The following ART1 variants were observed in gnomAD, a reference collection of about 807,000 sequenced individuals.
ART1 encodes the protein GPI-linked NAD(P)(+)--arginine ADP-ribosyltransferase 1.
ART1 carries 29 observed loss-of-function variants against 27.0 expected under a neutral mutation model. The ratio of observed to expected loss-of-function variants is 1.08; its 90% CI spans 0.80 to 1.47. The LOEUF is 1.47. Ranked by LOEUF, ART1 falls within the 40% of genes most tolerant of loss-of-function variation. ART1 has a pLI of 0.00. For missense variants in ART1, 480 were observed against 423.0 expected, an observed-to-expected ratio of 1.13 and a Z score of -1.18; for synonymous variants, 201 against 172.2, an observed-to-expected ratio of 1.17 and a Z score of -1.31.
At chr11:3,646,162 A>G (rs1208824502) in intron 1 of ART1, among the ~76,000 whole-genome samples, 1 of 151,916 alleles carries the variant, frequency 6.6e-6, no homozygotes, top group Non-Finnish European at 1.5e-5. Flanking sequence ...CAGTTTTGGC[A>G]CAGAGGGCTT....
rs1249848210 is a variant in ART1, at chr11:3,661,367, T to C, written c.845-5T>C. 1 of 1,611,886 alleles carries C rather than the reference T, an allele frequency of 6.2e-7. No homozygotes were observed. Among genetic ancestry groups the C allele is most frequent in the South Asian group, 1.1e-5 (1 of 90,678 alleles). ...CTTTCATTCTTTACTGTTTCTTTTC[T>C]ATAGACAAGAAGTGCAAGTCTGGGC... On this transcript the variant is annotated splice_region_variant and splice_polypyrimidine_tract_variant and intron_variant, in intron 3 of 4. Transcript: ENST00000250693.
At chr11:3,650,821 C>A (rs1441549618) in intron 1 of ART1, among the ~76,000 whole-genome samples, 2 of 140,554 alleles carry the variant, frequency 1.4e-5, no homozygotes, top group Admixed American at 1.6e-4. Context: ...TATCTCCCCA[C>A]CTTAATCCAC....
intron 1 of ART1, among the ~76,000 whole-genome samples, chr11:3,650,750 C>T (rs1259367630): frequency 2.0e-5 from 3 of 151,700 alleles, no homozygotes; most frequent in Admixed American, 1.3e-4. Context: ...TCCTGGGCTA[C>T]AGCCACACCT....
rs1554883212 is a variant in ART1, at chr11:3,663,076, A to ATCTCATC, written c.887-1014_887-1013insTCATCTC. Among the ~76,000 whole-genome samples the ATCTCATC allele has an allele frequency of 6.9e-3, 515 of 74,320 alleles. 10 individuals are homozygous for ATCTCATC. The highest frequency in any genetic ancestry group is 0.013 in the East Asian group (24 of 1,782). The allele number at this position is 74,320 out of a possible 152,430, so 48.8% of individuals were successfully genotyped here. ...ATCTCATCTCATCTCATCTCATCTC[A>ATCTCATC]TCATCTCATCTCATCATCTCATCTC... On this transcript the variant is annotated intron_variant, in intron 4 of 4. Coordinates refer to ENST00000250693, the MANE Select transcript of ART1 (RefSeq NM_004314.3).
intron 1 of ART1, among the ~76,000 whole-genome samples, chr11:3,654,967 A>T (rs1246455183): frequency 6.6e-6 from 1 of 152,258 alleles, no homozygotes; most frequent in Non-Finnish European, 1.5e-5. Context: ...CAGCTGGCCC[A>T]GTGGGCTTTT....
rs573354342 is a variant in ART1, at chr11:3,659,528, G to T, written c.64-55G>T. ...TGGAGGGGAGAGCTGGATGGCAGGG[G>T]ACTCATTCTCCCAGGGGCCTATCCT... On this transcript the variant is annotated intron_variant, in intron 2 of 4. Transcript: ENST00000250693. The T allele has an allele frequency of 4.6e-6, 7 of 1,522,100 alleles. No homozygotes were observed. In the Admixed American group the frequency reaches 1.2e-4, roughly 25 times the overall value. The allele number at this position is 1,522,100 out of a possible 1,614,324, so 94.3% of individuals were successfully genotyped here.
chr11:3,648,704 C>G (rs1341189274), intron 1 of ART1, among the ~76,000 whole-genome samples: 1 of 152,184 alleles, frequency 6.6e-6, no homozygotes, highest in African/African-American at 2.4e-5. Flanking sequence ...TATTCACCCA[C>G]GTTTCAGAGG....
chr11:3,655,117 C>G (rs2077561078), intron 1 of ART1, among the ~76,000 whole-genome samples: 1 of 152,216 alleles, frequency 6.6e-6, no homozygotes, highest in Non-Finnish European at 1.5e-5. Context: ...GGCCGCCGGT[C>G]TGGCTCAGCT....
Position 3,659,842 on chromosome 11 carries a change from T to G in ART1, c.323T>G (p.Leu108Arg). The G allele has an allele frequency of 2.5e-6, 4 of 1,612,312 alleles. No homozygotes were observed. The highest frequency in any genetic ancestry group is 3.4e-6 in the Non-Finnish European group (4 of 1,179,554). The change falls in exon 3 of 5, where the codon CTG becomes CGG. Residue 108 changes from leucine (L) to arginine (R), a missense_variant. By Grantham distance (102) the Leu-to-Arg change is moderately radical. Coordinates refer to ENST00000250693, the MANE Select transcript of ART1 (RefSeq NM_004314.3). ...CCCACCCGTCCATCCCCGCCACCCC[T>G]GGGCTTCCGCGATGAGCATGGGGTG... ...LSPTRPSPPP[L>R]GFRDEHGVAL...
chr11:3,646,055 T>C (rs934317128), intron 1 of ART1, among the ~76,000 whole-genome samples: 5 of 148,710 alleles, frequency 3.4e-5, no homozygotes, highest in African/African-American at 1.3e-4. Flanking sequence ...GTTTTGTTTG[T>C]TTGTTTTGTT....
Position 3,659,896 on chromosome 11 carries a change from C to G in ART1, c.377C>G (p.Pro126Arg), listed in dbSNP as rs35619488. 1,127 of 1,612,942 alleles carry G rather than the reference C, an allele frequency of 7.0e-4. 10 individuals are homozygous for G. In the African/African-American group the frequency reaches 0.014, roughly 20 times the overall value. The part of the protein sequence containing the change: ...VALLAYTANS[P>R]LHKEFNAAVR... Reference sequence around the variant, plus strand: ...CTCCTGGCCTACACAGCCAACAGCCCCCTGCACAAGGAGTTCAATGCAGCC... The same window carrying G: ...CTCCTGGCCTACACAGCCAACAGCCGCCTGCACAAGGAGTTCAATGCAGCC... The change falls in exon 3 of 5, where the codon CCC (proline) becomes CGC (arginine). Residue 126 changes from proline to arginine, a missense_variant. Physicochemically the swap from Pro to Arg is moderately radical, Grantham distance 103 (BLOSUM62 -2). Transcript: ENST00000250693.
At chr11:3,663,476 C>T (rs1446328221) in intron 4 of ART1, among the ~76,000 whole-genome samples, 1 of 152,270 alleles carries the variant, frequency 6.6e-6, no homozygotes, top group African/African-American at 2.4e-5. Context: ...TCATCCCACT[C>T]TGCAGCACCT....
At chr11:3,648,083 A>C (rs2133946008) in intron 1 of ART1, among the ~76,000 whole-genome samples, 1 of 152,250 alleles carries the variant, frequency 6.6e-6, no homozygotes, top group South Asian at 2.1e-4. Context: ...CTGGCTCAAA[A>C]GCTCCCCTAC....
intron 4 of ART1, 47 bp from the exon 5 acceptor site, chr11:3,664,043 CTT>C (rs1205578880): frequency 4.8e-5 from 77 of 1,593,720 alleles, no homozygotes; most frequent in Non-Finnish European, 6.5e-5. Flanking sequence ...CTAAATACCT[CTT>C]TTTTTCTCTC....
chr11:3,646,278 G>C (rs531109863), intron 1 of ART1, among the ~76,000 whole-genome samples: 10 of 152,238 alleles, frequency 6.6e-5, no homozygotes, highest in Admixed American at 5.9e-4. Context: ...TCAGCGAGGA[G>C]GAAGGGGCAA....
chr11:3,649,860 C>G lies in ART1; in HGVS notation c.-53+4681C>G, dbSNP rs77869091. On this transcript the variant is annotated intron_variant, in intron 1 of 4. Coordinates refer to ENST00000250693, the MANE Select transcript of ART1 (RefSeq NM_004314.3). ...GAAAAACCCCGCCCAGTTCATGGCT[C>G]GTTCGGCAGCAACCCTGAGACGCTT... Among the ~76,000 whole-genome samples the G allele has an allele frequency of 2.6e-5, 4 of 152,188 alleles. 1 individual carries two copies. Among genetic ancestry groups the G allele is most frequent in the South Asian group, 4.1e-4 (2 of 4,820 alleles).
chr11:3,646,990 T>C (rs2077473742), intron 1 of ART1, among the ~76,000 whole-genome samples: 1 of 152,082 alleles, frequency 6.6e-6, no homozygotes, highest in Non-Finnish European at 1.5e-5. Context: ...TAAATGTTCT[T>C]GCTACATGAA....
At chr11:3,647,089 G>A (rs1365774658) in intron 1 of ART1, among the ~76,000 whole-genome samples, 4 of 152,154 alleles carry the variant, frequency 2.6e-5, no homozygotes, top group Admixed American at 6.5e-5. Flanking sequence ...AGGAGGCCGA[G>A]GCGGGCAGCG....
intron 1 of ART1, among the ~76,000 whole-genome samples, chr11:3,653,818 C>T (rs558013059): frequency 7.1e-6 from 1 of 140,982 alleles, no homozygotes; most frequent in Non-Finnish European, 1.5e-5. Flanking sequence ...GCCATTCTCC[C>T]ATCAGACATC....
Sources: allele counts gnomAD v4.1 joint callset (sites outside exome capture counted in the v4.1 genomes callset), GRCh38; gene constraint gnomAD v4.1.1; transcripts MANE v1.5; gene names NCBI Gene and HGNC (gene_info 2026-07-23, HGNC 2026-07-21).